NRXN1: variants seen among roughly 807,000 people sequenced by gnomAD.
The protein encoded by NRXN1 is neurexin 1, also known as neurexin-1.
Under a neutral mutation model 150.9 loss-of-function variants are expected in NRXN1, and 39 were observed. The ratio of observed to expected loss-of-function variants is 0.26; its 90% CI spans 0.20 to 0.34. The LOEUF (loss-of-function observed/expected upper bound fraction) is 0.34. Ranked by LOEUF, NRXN1 falls within the 10% of genes least tolerant of loss-of-function variation. The probability of loss-of-function intolerance (pLI) is 1.00; values close to 1 mark genes in which losing one functional copy is unlikely to be tolerated. For synonymous variants in NRXN1, 924 were observed against 757.0 expected (o/e 1.22, Z -3.62); for missense variants, 1,815 against 1,949.9 (o/e 0.93, Z 1.30).
At chr2:50,292,783 T>C (rs2073090662) in intron 17 of NRXN1, among the ~76,000 whole-genome samples, 1 of 152,186 alleles carries the variant, frequency 6.6e-6, no homozygotes, top group Admixed American at 6.5e-5. Context: ...GATGCTGCCT[T>C]TAGAGGCTCT....
intron 5 of NRXN1, among the ~76,000 whole-genome samples, chr2:50,733,022 T>C (rs903447458): frequency 6.6e-6 from 1 of 152,184 alleles, no homozygotes; most frequent in South Asian, 2.1e-4. Flanking sequence ...ACCAAAAATA[T>C]GGCAAGTATC....
intron 21 of NRXN1, among the ~76,000 whole-genome samples, chr2:50,041,980 T>A (rs1376393705): frequency 1.3e-5 from 2 of 152,198 alleles, no homozygotes; most frequent in Non-Finnish European, 2.9e-5. Flanking sequence ...TCCTTCCTAG[T>A]CTTATGAGAA....
At chr2:50,858,647 T>C (rs1675621919) in intron 5 of NRXN1, among the ~76,000 whole-genome samples, 1 of 152,116 alleles carries the variant, frequency 6.6e-6, no homozygotes, top group African/African-American at 2.4e-5. Context: ...CTATTATAAC[T>C]TCAGTCATAC....
At position 50,852,687 on chromosome 2, in the gene NRXN1, G is replaced by A. The variant is rs1395134949; in HGVS notation, c.832+69182C>T. The stretch of plus-strand genomic sequence containing the variant: ...TCATATATACACACTACCTGTGTCA[G>A]TACTTTCTTGATATTTTTCCTTAAG... On this transcript the variant is annotated intron_variant, in intron 5 of 22. Coordinates refer to ENST00000401669, the MANE Select transcript of NRXN1 (RefSeq NM_001330078.2). 2.6e-5 allele frequency among the ~76,000 whole-genome samples: 4 copies of A among 152,102 alleles called. No homozygotes were observed. The East Asian group carries it at 7.7e-4, about 29-fold the overall frequency.
intron 5 of NRXN1, among the ~76,000 whole-genome samples, chr2:50,627,367 G>A (rs1298893120): frequency 2.0e-5 from 3 of 147,820 alleles, no homozygotes; most frequent in African/African-American, 7.4e-5. Context: ...ATGTGTGTGT[G>A]TGTGTGTGTG....
At chr2:50,051,172 T>C (rs145611922) in intron 21 of NRXN1, among the ~76,000 whole-genome samples, 9 of 152,118 alleles carry the variant, frequency 5.9e-5, no homozygotes, top group Admixed American at 4.6e-4. Context: ...TTTAATATTA[T>C]AAAATGCATA....
chr2:50,670,630 CT>C, intron 5 of NRXN1, among the ~76,000 whole-genome samples: 1 of 152,010 alleles, frequency 6.6e-6, no homozygotes, highest in South Asian at 2.1e-4. Context: ...CATGAATCTT[CT>C]TATTCTGTAC....
intron 12 of NRXN1, among the ~76,000 whole-genome samples, chr2:50,508,238 T>C (rs2092320526): frequency 6.6e-6 from 1 of 152,178 alleles, no homozygotes; most frequent in Non-Finnish European, 1.5e-5. Context: ...GCCTCAGTTA[T>C]TTATATCTGT....
rs571139291 is a variant in NRXN1, at chr2:50,916,264, C to T, written c.832+5605G>A. Among the ~76,000 whole-genome samples the T allele has an allele frequency of 2.0e-5, 3 of 150,920 alleles. No individual in the cohort carries two copies. The East Asian group carries it at 5.9e-4, about 30-fold the overall frequency. Reference sequence around the variant, plus strand: ...TAATAAGCAGCGTCACCTTTCATGCCTTGTAACACAAAGAGGGACAATATT... The same window carrying T: ...TAATAAGCAGCGTCACCTTTCATGCTTTGTAACACAAAGAGGGACAATATT... On this transcript the variant is annotated intron_variant, in intron 5 of 22. Coordinates refer to ENST00000401669, the MANE Select transcript of NRXN1 (RefSeq NM_001330078.2).
At chr2:50,131,329 T>C (rs1323812167) in intron 18 of NRXN1, among the ~76,000 whole-genome samples, 2 of 152,220 alleles carry the variant, frequency 1.3e-5, no homozygotes, top group African/African-American at 4.8e-5. Flanking sequence ...GATAAAACCT[T>C]ACTGTTTAAG....
chr2:50,437,992 A>T (rs142101335), intron 17 of NRXN1, among the ~76,000 whole-genome samples: 1 of 152,220 alleles, frequency 6.6e-6, no homozygotes, highest in Non-Finnish European at 1.5e-5. Context: ...AACCTCAGTT[A>T]TCACTTCACA....
At chr2:50,085,997 C>T (rs528851589) in intron 19 of NRXN1, among the ~76,000 whole-genome samples, 175 of 152,222 alleles carry the variant, frequency 1.1e-3, no homozygotes, top group African/African-American at 4.1e-3. Flanking sequence ...CTGCCACTAA[C>T]GAGCATTGTG....
At chr2:50,637,886 A>T (rs537961501) in intron 5 of NRXN1, among the ~76,000 whole-genome samples, 43 of 151,866 alleles carry the variant, frequency 2.8e-4, no homozygotes, top group African/African-American at 7.0e-4. Context: ...AAAAAAAAAA[A>T]TTTTCCTAGG....
At chr2:50,862,819 C>T (rs1289307256) in intron 5 of NRXN1, among the ~76,000 whole-genome samples, 2 of 152,056 alleles carry the variant, frequency 1.3e-5, no homozygotes, top group South Asian at 2.1e-4. Context: ...CCTCATATCA[C>T]GAAGTAAAAA....
intron 5 of NRXN1, among the ~76,000 whole-genome samples, chr2:50,632,057 A>G (rs1157607848): frequency 6.6e-6 from 1 of 152,012 alleles, no homozygotes; most frequent in Non-Finnish European, 1.5e-5. Flanking sequence ...ATTATATTCA[A>G]GGAGATGTAT....
At chr2:50,249,399 A>T (rs80066188) in intron 17 of NRXN1, among the ~76,000 whole-genome samples, 1 of 152,072 alleles carries the variant, frequency 6.6e-6, no homozygotes, top group Non-Finnish European at 1.5e-5. Context: ...CAAACAAATC[A>T]ACAAAAAACA....
At chr2:50,524,515 AT>A (rs1553741515) in intron 12 of NRXN1, among the ~76,000 whole-genome samples, 6 of 143,742 alleles carry the variant, frequency 4.2e-5, no homozygotes, top group Admixed American at 4.1e-4. Context: ...AAATAAATAA[AT>A]AAATAAAATA....
intron 5 of NRXN1, among the ~76,000 whole-genome samples, chr2:50,869,613 T>C (rs752796349): frequency 4.6e-5 from 7 of 151,804 alleles, no homozygotes; most frequent in African/African-American, 1.7e-4. Flanking sequence ...ATTAGTAAGG[T>C]AATTACATAT....
At chr2:50,056,773 C>T (rs770537515) in intron 19 of NRXN1, among the ~76,000 whole-genome samples, 1 of 151,988 alleles carries the variant, frequency 6.6e-6, no homozygotes, top group Non-Finnish European at 1.5e-5. Flanking sequence ...ATATAATAAG[C>T]ATGTTTGACA....
Sources: gnomAD v4.1 joint callset for allele counts (sites outside exome capture counted in the v4.1 genomes callset) on GRCh38, gnomAD v4.1.1 for gene constraint, MANE v1.5 for transcripts, NCBI Gene and HGNC (gene_info 2026-07-23, HGNC 2026-07-21) for gene names.